The following TNFRSF19 variants were observed in gnomAD, a reference collection of about 807,000 sequenced individuals.
TNFRSF19 encodes the protein TNF receptor superfamily member 19.
TNFRSF19 carries 27 observed loss-of-function variants against 46.4 expected under a neutral mutation model. The observed-to-expected ratio is 0.58, with a 90% CI of 0.43 to 0.80. The LOEUF is 0.80. Ranked by LOEUF, TNFRSF19 falls within the 30% of genes least tolerant of loss-of-function variation. The pLI is 0.00. For missense variants in TNFRSF19, 511 were observed against 530.8 expected, an observed-to-expected ratio of 0.96 and a Z score of 0.37; for synonymous variants, 204 against 205.0, an observed-to-expected ratio of 1.00 and a Z score of 0.04.
chr13:23,570,815 A>G lies in TNFRSF19; in HGVS notation c.-68A>G, dbSNP rs1566153323. On this transcript the variant is annotated 5_prime_UTR_variant, in exon 1 of 10. Coordinates refer to ENST00000248484, the MANE Select transcript of TNFRSF19 (RefSeq NM_148957.4). Reference sequence around the variant, plus strand: ...GGGAAGGTAGAAGCATTTGGCACAGAAGTGCTGCCAGGAGAAACTAAGTTG... The same window carrying G: ...GGGAAGGTAGAAGCATTTGGCACAGGAGTGCTGCCAGGAGAAACTAAGTTG... 6.6e-6 allele frequency: 1 copy of G among 152,218 alleles called. No individual in the cohort carries two copies. The highest frequency in any genetic ancestry group is 1.5e-5 in the Non-Finnish European group (1 of 68,046). The allele number at this position is 152,218 out of a possible 1,614,324, so 9.4% of individuals were successfully genotyped here. A position where few individuals can be genotyped will look rare whatever the true frequency, so the allele number is the denominator to read the frequency against.
chr13:23,662,267 C>G (rs1163310676), intron 7 of TNFRSF19, among the ~76,000 whole-genome samples: 1 of 151,998 alleles, frequency 6.6e-6, no homozygotes, highest in Non-Finnish European at 1.5e-5. Flanking sequence ...GACAGTTATC[C>G]CAGGATTTAT....
chr13:23,595,098 C>A (rs1161061022), intron 3 of TNFRSF19, among the ~76,000 whole-genome samples: 1 of 152,190 alleles, frequency 6.6e-6, no homozygotes, highest in Non-Finnish European at 1.5e-5. Context: ...AAAACCCCAT[C>A]CAAAGGTCAC....
rs1879383491 is a variant in TNFRSF19, at chr13:23,592,467, A to G, written c.70-878A>G. ...AGAACTTGTTGTTTTCAGAAAAAAT[A>G]AGAGAAAAAAGCTATATTTTGGAAA... is the stretch of plus-strand genomic sequence containing the variant. On this transcript the variant is annotated intron_variant, in intron 2 of 9. Coordinates refer to ENST00000248484, the MANE Select transcript of TNFRSF19 (RefSeq NM_148957.4). Among the ~76,000 whole-genome samples, 2 of 152,248 alleles carry G rather than the reference A, an allele frequency of 1.3e-5. 1 individual carries two copies. Among genetic ancestry groups the G allele is most frequent in the Middle Eastern group, 6.3e-3 (2 of 316 alleles).
intron 3 of TNFRSF19, among the ~76,000 whole-genome samples, chr13:23,594,825 C>G (rs1468013911): frequency 6.6e-6 from 1 of 152,212 alleles, no homozygotes; most frequent in Non-Finnish European, 1.5e-5. Flanking sequence ...TTGGGAGACA[C>G]CTCCCAGCAG....
At chr13:23,573,931 A>G (rs1388079113) in intron 1 of TNFRSF19, among the ~76,000 whole-genome samples, 1 of 151,922 alleles carries the variant, frequency 6.6e-6, no homozygotes, top group East Asian at 1.9e-4. Flanking sequence ...ACAAGGTGGC[A>G]GGCGCCTGTA....
intron 3 of TNFRSF19, among the ~76,000 whole-genome samples, chr13:23,604,491 A>G (rs1880382776): frequency 6.6e-6 from 1 of 152,158 alleles, no homozygotes; most frequent in Admixed American, 6.5e-5. Context: ...TATTTTGTAG[A>G]TATTGACAAA....
rs572531037 is a variant in TNFRSF19, at chr13:23,580,116, C to G, written c.-35+9268C>G. ...TAGAGAGTGAGAAAGCCAGCTCTTA[C>G]AATGCGTGTAATGCCATCTCATGGG... On this transcript the variant is annotated intron_variant, in intron 1 of 9. Transcript: ENST00000248484. Among the ~76,000 whole-genome samples, 3 of 152,332 alleles carry G rather than the reference C, an allele frequency of 2.0e-5. No homozygotes were observed. In the South Asian group the frequency reaches 6.2e-4, roughly 32 times the overall value.
At chr13:23,585,431 A>G (rs1878754366) in intron 1 of TNFRSF19, 1 of 152,242 alleles carries the variant, frequency 6.6e-6, no homozygotes, top group African/African-American at 2.4e-5. Context: ...TTTTCTTTCT[A>G]ATTATCACCA....
At chr13:23,642,927 TACC>T (rs1447793277) in intron 5 of TNFRSF19, among the ~76,000 whole-genome samples, 1 of 152,260 alleles carries the variant, frequency 6.6e-6, no homozygotes, top group Non-Finnish European at 1.5e-5. Context: ...CATGAAAATT[TACC>T]ACATCGATTC....
intron 1 of TNFRSF19, among the ~76,000 whole-genome samples, chr13:23,578,053 G>A (rs1878085044): frequency 6.6e-6 from 1 of 152,202 alleles, no homozygotes; most frequent in South Asian, 2.1e-4. Flanking sequence ...GCTTAGAAGT[G>A]CTGAGTATCC....
Position 23,593,386 on chromosome 13 carries a change from A to G in TNFRSF19, c.111A>G (p.Gln37=). The G allele has an allele frequency of 6.3e-7, 1 of 1,599,024 alleles. No individual in the cohort carries two copies. Among genetic ancestry groups the G allele is most frequent in the Non-Finnish European group, 8.5e-7 (1 of 1,176,272 alleles). The part of the protein sequence containing the change: ...VTCESGDCRQ[Q]EFRDRSGNCV... The stretch of plus-strand genomic sequence containing the variant: ...GTGAATCAGGAGACTGTAGACAGCA[A>G]GAATTCAGGGATCGGTCTGGAAACT... Residue 37 remains glutamine, a synonymous_variant, in exon 3 of 10, where the codon CAA becomes CAG. Coordinates refer to ENST00000248484, the MANE Select transcript of TNFRSF19 (RefSeq NM_148957.4).
intron 5 of TNFRSF19, among the ~76,000 whole-genome samples, chr13:23,629,396 T>G (rs537504370): frequency 1.1e-4 from 16 of 152,310 alleles, no homozygotes; most frequent in African/African-American, 3.6e-4. Context: ...CGGGGCTGTC[T>G]GTCCTAACCT....
At position 23,570,833 on chromosome 13, in the gene TNFRSF19, C is replaced by G. The variant is rs1422680394; in HGVS notation, c.-50C>G. ...GGCACAGAAGTGCTGCCAGGAGAAA[C>G]TAAGTTGCTGAACGGGTAAGTACTG... On this transcript the variant is annotated 5_prime_UTR_variant, in exon 1 of 10. Transcript: ENST00000248484. 6.6e-6 allele frequency: 1 copy of G among 152,210 alleles called. No individual in the cohort carries two copies. The highest frequency in any genetic ancestry group is 1.5e-5 in the Non-Finnish European group (1 of 68,030). 9.4% of individuals were successfully genotyped at this position (152,210 alleles called of 1,614,324 possible).
intron 3 of TNFRSF19, among the ~76,000 whole-genome samples, chr13:23,614,337 G>A (rs923410279): frequency 2.0e-5 from 3 of 152,210 alleles, no homozygotes; most frequent in African/African-American, 7.2e-5. Context: ...CCTTTGTTGA[G>A]TAGTTTATTA....
Position 23,593,938 on chromosome 13 carries a change from C to T in TNFRSF19, c.180+483C>T, listed in dbSNP as rs1928118. ...ATTGGGACTGGTTAGACAGTGGGTGCAGCCCATGGAGGGTGAGCCAAAGCA... is the reference window on the plus strand; with the variant it reads ...ATTGGGACTGGTTAGACAGTGGGTGTAGCCCATGGAGGGTGAGCCAAAGCA... On this transcript the variant is annotated intron_variant, in intron 3 of 9. Coordinates refer to ENST00000248484, the MANE Select transcript of TNFRSF19 (RefSeq NM_148957.4). 8.3e-3 allele frequency among the ~76,000 whole-genome samples: 1,271 copies of T among 152,228 alleles called. 28 individuals carry two copies. Among genetic ancestry groups the T allele is most frequent in the East Asian group, 0.076 (393 of 5,148 alleles).
At chr13:23,623,972 A>T (rs1881835756) in intron 4 of TNFRSF19, among the ~76,000 whole-genome samples, 1 of 151,990 alleles carries the variant, frequency 6.6e-6, no homozygotes, top group Admixed American at 6.5e-5. Context: ...CCATTTGTCA[A>T]TTTTTTCTCT....
intron 1 of TNFRSF19, among the ~76,000 whole-genome samples, chr13:23,577,623 A>G (rs1295550707): frequency 6.6e-6 from 1 of 152,244 alleles, no homozygotes; most frequent in African/African-American, 2.4e-5. Flanking sequence ...AACTCGTGAG[A>G]GCCGTGGCTT....
chr13:23,609,292 G>A (rs559213144), intron 3 of TNFRSF19, among the ~76,000 whole-genome samples: 2 of 152,118 alleles, frequency 1.3e-5, no homozygotes, highest in African/African-American at 2.4e-5. Flanking sequence ...TGTTCTGGGC[G>A]CCCCATAAGT....
intron 4 of TNFRSF19, 134 bp downstream of exon 4, chr13:23,616,179 C>A: frequency 1.1e-6 from 1 of 916,874 alleles, no homozygotes; most frequent in Non-Finnish European, 1.6e-6. Context: ...TTTGTGACTT[C>A]TTTCAGTATT....
Sources: gnomAD v4.1 joint callset for allele counts (sites outside exome capture counted in the v4.1 genomes callset) on GRCh38, gnomAD v4.1.1 for gene constraint, MANE v1.5 for transcripts, NCBI Gene and HGNC (gene_info 2026-07-23, HGNC 2026-07-21) for gene names.